The following ATP2B4 variants were observed in gnomAD, a reference collection of about 807,000 sequenced individuals.
The protein encoded by ATP2B4 is ATPase plasma membrane Ca2+ transporting 4, also known as plasma membrane calcium-transporting ATPase 4.
A neutral mutation model predicts 110.3 loss-of-function variants in ATP2B4; 39 were observed. The ratio of observed to expected loss-of-function variants is 0.35; its 90% CI spans 0.27 to 0.46. ATP2B4 has a LOEUF of 0.46. ATP2B4 is among the 20% of genes least tolerant of loss of function. The pLI is 1.00. For synonymous variants in ATP2B4, 538 were observed against 571.7 expected, an observed-to-expected ratio of 0.94 and a Z score of 0.84; for missense variants, 1,135 against 1,530.9, an observed-to-expected ratio of 0.74 and a Z score of 4.32.
At chr1:203,725,724 G>A (rs886723619) in intron 19 of ATP2B4, among the ~76,000 whole-genome samples, 4 of 151,662 alleles carry the variant, frequency 2.6e-5, no homozygotes, top group East Asian at 1.9e-4. Flanking sequence ...TCTCTTTACA[G>A]ACCCCAGGTC....
At chr1:203,698,100 C>T (rs1665586552) in intron 2 of ATP2B4, 57 bp from the exon 3 acceptor site, 4 of 1,547,176 alleles carry the variant, frequency 2.6e-6, no homozygotes, top group Non-Finnish European at 3.6e-6. Context: ...TCAAAACTGC[C>T]TTTTATCATT....
At chr1:203,632,887 T>TG (rs1021048115) in intron 1 of ATP2B4, among the ~76,000 whole-genome samples, 5 of 152,028 alleles carry the variant, frequency 3.3e-5, no homozygotes, top group African/African-American at 1.2e-4. Context: ...AAGTATGGAA[T>TG]GGGGGAAGGG....
At chr1:203,631,011 G>C (rs187404617) in intron 1 of ATP2B4, among the ~76,000 whole-genome samples, 44 of 152,276 alleles carry the variant, frequency 2.9e-4, no homozygotes, top group Non-Finnish European at 5.4e-4. Context: ...TATTTCCTCT[G>C]TACATGTTAA....
At chr1:203,731,822 C>T (rs1368373988) in intron 20 of ATP2B4, among the ~76,000 whole-genome samples, 4 of 121,718 alleles carry the variant, frequency 3.3e-5, no homozygotes, top group African/African-American at 6.2e-5. Flanking sequence ...TGCACTCCAG[C>T]CTGGGTGACA....
intron 2 of ATP2B4, among the ~76,000 whole-genome samples, chr1:203,687,560 A>C (rs557909690): frequency 4.6e-5 from 7 of 152,234 alleles, no homozygotes; most frequent in Non-Finnish European, 1.0e-4. Context: ...CTGGAAACCA[A>C]GGTGAAAGTG....
At chr1:203,719,708 C>G (rs1416833625) in intron 15 of ATP2B4, among the ~76,000 whole-genome samples, 1 of 139,740 alleles carries the variant, frequency 7.2e-6, no homozygotes, top group African/African-American at 3.1e-5. Context: ...GAGGGAGACT[C>G]TGTCTCAAAA....
chr1:203,736,392 C>T (rs1666877419), intron 20 of ATP2B4, among the ~76,000 whole-genome samples: 1 of 151,914 alleles, frequency 6.6e-6, no homozygotes, highest in African/African-American at 2.4e-5. Flanking sequence ...CGCTTGAACT[C>T]GGGAGGCGGA....
At chr1:203,678,313 T>G (rs1245052245) in intron 1 of ATP2B4, among the ~76,000 whole-genome samples, 1 of 151,676 alleles carries the variant, frequency 6.6e-6, no homozygotes, top group African/African-American at 2.4e-5. Flanking sequence ...TGGACAAAAT[T>G]GGAGGAAAGT....
chr1:203,700,691 C>T, intron 5 of ATP2B4, 107 bp from the exon 6 acceptor site: 1 of 1,441,708 alleles, frequency 6.9e-7, no homozygotes, highest in Non-Finnish European at 9.6e-7. Flanking sequence ...ACATCATTAT[C>T]CATGGGGTAG....
chr1:203,636,350 C>A (rs919219075), intron 1 of ATP2B4, among the ~76,000 whole-genome samples: 5 of 152,150 alleles, frequency 3.3e-5, no homozygotes, highest in African/African-American at 1.2e-4. Flanking sequence ...CCATCCTGAT[C>A]GTCGCTCTGG....
At chr1:203,704,583 C>T (rs757870213) in intron 8 of ATP2B4, among the ~76,000 whole-genome samples, 4 of 144,504 alleles carry the variant, frequency 2.8e-5, no homozygotes, top group Non-Finnish European at 6.0e-5. Flanking sequence ...TGGGTTCAAG[C>T]GACTTTCCTG....
rs751699115 is a variant in ATP2B4, at chr1:203,698,182, G to C, written c.219G>C (p.Leu73=). The C allele has an allele frequency of 6.2e-7, 1 of 1,614,098 alleles. No homozygotes were observed. Among genetic ancestry groups the C allele is most frequent in the South Asian group, 1.1e-5 (1 of 91,076 alleles). ...GTCTGTCTGGGAACCCTGCAGATCTGGAGAAACGTAGGCAGGTGTTTGGAC... is the reference window on the plus strand; with the variant it reads ...GTCTGTCTGGGAACCCTGCAGATCTCGAGAAACGTAGGCAGGTGTTTGGAC... The part of the protein sequence containing the change: ...VEGLSGNPAD[L]EKRRQVFGHN... Residue 73 remains leucine, a synonymous_variant, in exon 3 of 21, where the codon CTG becomes CTC. Coordinates refer to ENST00000357681, the MANE Select transcript of ATP2B4 (RefSeq NM_001684.5).
intron 11 of ATP2B4, 43 bp downstream of exon 11, chr1:203,709,585 C>T (rs1368878625): frequency 1.2e-6 from 2 of 1,611,314 alleles, no homozygotes; most frequent in Non-Finnish European, 1.7e-6. Flanking sequence ...AGATCCTCTC[C>T]TCAGGAAGGC....
At chr1:203,632,805 A>G (rs908503438) in intron 1 of ATP2B4, among the ~76,000 whole-genome samples, 1 of 151,858 alleles carries the variant, frequency 6.6e-6, no homozygotes, top group Non-Finnish European at 1.5e-5. Flanking sequence ...CGTTTATTGT[A>G]TGATAGATGA....
At chr1:203,701,433 T>C (rs1475519143) in intron 6 of ATP2B4, among the ~76,000 whole-genome samples, 1 of 152,166 alleles carries the variant, frequency 6.6e-6, no homozygotes, top group Non-Finnish European at 1.5e-5. Flanking sequence ...CAGTTATTCC[T>C]GAAGGAAAGA....
chr1:203,627,477 G>A (rs948121518), intron 1 of ATP2B4, among the ~76,000 whole-genome samples: 1 of 152,058 alleles, frequency 6.6e-6, no homozygotes, highest in Non-Finnish European at 1.5e-5. Flanking sequence ...CTGGGCTATG[G>A]GGTAGGGTAA....
chr1:203,703,946 G>C, intron 8 of ATP2B4, 133 bp downstream of exon 8: 1 of 1,184,792 alleles, frequency 8.4e-7, no homozygotes, highest in Non-Finnish European at 1.2e-6. Context: ...TTGGGGCTAG[G>C]CGGCTGTTTC....
In ATP2B4 at chr1:203,647,464, C is replaced by CA. The variant is rs563436254; in HGVS notation, c.-465+20253dup. On this transcript the variant is annotated intron_variant, in intron 1 of 20. Transcript: ENST00000357681. ...AAAAAACAGAAAATAACAACAACAA[C>CA]AAAAAAAACAAACGGCTGGACACAG... 3.4e-4 allele frequency among the ~76,000 whole-genome samples: 52 copies of CA among 150,830 alleles called. 2 individuals carry two copies. The South Asian group carries it at 6.8e-3, about 20-fold the overall frequency.
At position 203,672,324 on chromosome 1, in the gene ATP2B4, C is replaced by CTTT. The variant is rs57144862; in HGVS notation, c.-464-10388_-464-10386dup. On this transcript the variant is annotated intron_variant, in intron 1 of 20. Coordinates refer to ENST00000357681, the MANE Select transcript of ATP2B4 (RefSeq NM_001684.5). ...TGTTCCTGAGTAAGTTGCGGTGGCT[C>CTTT]TTTTTTTTTTTTTTTTTTTTTTTTT... Among the ~76,000 whole-genome samples the CTTT allele has an allele frequency of 3.0e-3, 242 of 79,528 alleles. 7 individuals carry two copies. The highest frequency in any genetic ancestry group is 0.011 in the African/African-American group (195 of 17,402). The allele number at this position is 79,528 out of a possible 152,430, so 52.2% of individuals were successfully genotyped here.
Sources: allele counts gnomAD v4.1 joint callset (sites outside exome capture counted in the v4.1 genomes callset), GRCh38; gene constraint gnomAD v4.1.1; transcripts MANE v1.5; gene names NCBI Gene and HGNC (gene_info 2026-07-23, HGNC 2026-07-21).